IQCJ: variants seen among roughly 807,000 people sequenced by gnomAD.
IQCJ encodes the protein IQ motif containing J, also known as IQ domain-containing protein J.
IQCJ carries 9 observed loss-of-function variants against 11.0 expected under a neutral mutation model. The ratio of observed to expected loss-of-function variants is 0.82; its 90% CI spans 0.49 to 1.43. IQCJ has a LOEUF of 1.43. Ranked by LOEUF, IQCJ falls within the 40% of genes most tolerant of loss-of-function variation. The pLI is 0.00. For synonymous variants in IQCJ, 55 were observed against 51.3 expected, an observed-to-expected ratio of 1.07 and a Z score of -0.31; for missense variants, 146 against 133.2, an observed-to-expected ratio of 1.10 and a Z score of -0.47.
At chr3:159,182,177 C>T (rs1002111443) in intron 1 of IQCJ, among the ~76,000 whole-genome samples, 4 of 151,574 alleles carry the variant, frequency 2.6e-5, no homozygotes, top group African/African-American at 9.8e-5. Context: ...TTGGCTATTC[C>T]TACTAATTCT....
chr3:159,155,529 A>C (rs1201987345), intron 1 of IQCJ, among the ~76,000 whole-genome samples: 1 of 147,434 alleles, frequency 6.8e-6, no homozygotes, highest in African/African-American at 2.5e-5. Context: ...GCTTTACAGA[A>C]GACTATACAA....
At chr3:159,237,461 AC>A (rs1279269691) in intron 1 of IQCJ, among the ~76,000 whole-genome samples, 1 of 152,192 alleles carries the variant, frequency 6.6e-6, no homozygotes, top group Non-Finnish European at 1.5e-5. Context: ...AAAATTCAAT[AC>A]CCACCATTCA....
At chr3:159,215,970 T>A (rs543473037) in intron 1 of IQCJ, among the ~76,000 whole-genome samples, 1 of 151,912 alleles carries the variant, frequency 6.6e-6, no homozygotes, top group East Asian at 1.9e-4. Flanking sequence ...TATTAGGAAA[T>A]GTCTCACTAA....
intron 1 of IQCJ, among the ~76,000 whole-genome samples, chr3:159,127,116 T>G (rs146905433): frequency 6.6e-6 from 1 of 152,328 alleles, no homozygotes; most frequent in African/African-American, 2.4e-5. Flanking sequence ...AACAAGGAAT[T>G]CCATGCAGTT....
In IQCJ at chr3:159,197,987, C is replaced by A. The variant is rs139908002; in HGVS notation, c.10-47856C>A. On this transcript the variant is annotated intron_variant, in intron 1 of 3. Coordinates refer to ENST00000397832, the MANE Select transcript of IQCJ (RefSeq NM_001042706.3). ...GATGTGTTCTGTGGCCTCTAGTTTG[C>A]AACCAGTGGTCTAAGGAAGGTTGTT... Among the ~76,000 whole-genome samples the A allele has an allele frequency of 6.7e-4, 102 of 152,270 alleles. 1 individual carries two copies. Among genetic ancestry groups the A allele is most frequent in the African/African-American group, 2.4e-3 (100 of 41,552 alleles).
At chr3:159,149,722 C>G (rs561350158) in intron 1 of IQCJ, among the ~76,000 whole-genome samples, 2 of 152,216 alleles carry the variant, frequency 1.3e-5, no homozygotes, top group Non-Finnish European at 2.9e-5. Context: ...GTAATCTAAA[C>G]TACAAGTAAA....
intron 1 of IQCJ, among the ~76,000 whole-genome samples, chr3:159,182,677 AGATCG>A (rs1200561081): frequency 2.0e-5 from 3 of 151,982 alleles, no homozygotes; most frequent in Non-Finnish European, 4.4e-5. Context: ...ACCAGTAAGT[AGATCG>A]GAACAAAACA....
At chr3:159,116,669 T>TACAC (rs1242789687) in intron 1 of IQCJ, among the ~76,000 whole-genome samples, 3 of 24,106 alleles carry the variant, frequency 1.2e-4, no homozygotes, top group African/African-American at 5.3e-4. Context: ...TATATATATA[T>TACAC]ACACCCTTCA....
intron 1 of IQCJ, among the ~76,000 whole-genome samples, chr3:159,115,964 A>G (rs1218110791): frequency 2.0e-5 from 3 of 152,162 alleles, no homozygotes; most frequent in African/African-American, 7.2e-5. Flanking sequence ...AGAAATACCT[A>G]ATGTAGATGA....
intron 1 of IQCJ, among the ~76,000 whole-genome samples, chr3:159,162,745 C>T (rs866888186): frequency 1.3e-5 from 2 of 152,120 alleles, no homozygotes; most frequent in Non-Finnish European, 2.9e-5. Flanking sequence ...GGGGATATCA[C>T]CACCGATCCT....
chr3:159,242,285 GA>G (rs1260186140), intron 1 of IQCJ, among the ~76,000 whole-genome samples: 6 of 152,128 alleles, frequency 3.9e-5, no homozygotes, highest in Non-Finnish European at 5.9e-5. Context: ...TTATGAAGAA[GA>G]AAACATCACT....
chr3:159,151,769 G>C (rs1721239041), intron 1 of IQCJ, among the ~76,000 whole-genome samples: 1 of 152,158 alleles, frequency 6.6e-6, no homozygotes. Context: ...CTGAGCAGCT[G>C]GGACTACAGG....
At chr3:159,250,787 G>A (rs149270444) in intron 2 of IQCJ, among the ~76,000 whole-genome samples, 1 of 152,322 alleles carries the variant, frequency 6.6e-6, no homozygotes, top group Non-Finnish European at 1.5e-5. Context: ...TGAGATTTGG[G>A]TGGGGAGAGA....
chr3:159,102,713 T>C (rs1276483851), intron 1 of IQCJ, among the ~76,000 whole-genome samples: 2 of 152,198 alleles, frequency 1.3e-5, no homozygotes, highest in South Asian at 2.1e-4. Flanking sequence ...ATCAGAACCA[T>C]CATTAATGAA....
chr3:159,155,837 T>C (rs1338295866), intron 1 of IQCJ, among the ~76,000 whole-genome samples: 1 of 152,236 alleles, frequency 6.6e-6, no homozygotes, highest in Non-Finnish European at 1.5e-5. Context: ...CCTGGACTTG[T>C]GGCTTTTAAA....
intron 1 of IQCJ, among the ~76,000 whole-genome samples, chr3:159,149,215 T>C (rs1721072281): frequency 6.6e-6 from 1 of 152,238 alleles, no homozygotes; most frequent in Admixed American, 6.5e-5. Flanking sequence ...CTTTATTGAC[T>C]GCTCATTTGT....
intron 1 of IQCJ, among the ~76,000 whole-genome samples, chr3:159,157,768 A>T (rs1291533389): frequency 6.6e-6 from 1 of 152,212 alleles, no homozygotes; most frequent in South Asian, 2.1e-4. Flanking sequence ...ATACAAACAT[A>T]TATTCATTTC....
chr3:159,252,184 C>A (rs527730722), intron 2 of IQCJ, among the ~76,000 whole-genome samples: 2 of 152,156 alleles, frequency 1.3e-5, no homozygotes, highest in Non-Finnish European at 2.9e-5. Flanking sequence ...CCTTCTTGAT[C>A]GTTGTAGCAC....
intron 3 of IQCJ, among the ~76,000 whole-genome samples, chr3:159,257,234 C>T (rs1291525522): frequency 6.6e-6 from 1 of 152,156 alleles, no homozygotes; most frequent in African/African-American, 2.4e-5. Context: ...TGAAAAGAAG[C>T]ATTTGGATTA....
Sources: gnomAD v4.1 joint callset for allele counts (sites outside exome capture counted in the v4.1 genomes callset) on GRCh38, gnomAD v4.1.1 for gene constraint, MANE v1.5 for transcripts, NCBI Gene and HGNC (gene_info 2026-07-23, HGNC 2026-07-21) for gene names.